The following PACSIN2 variants were observed in gnomAD, a reference collection of about 807,000 sequenced individuals.
PACSIN2 encodes protein kinase C and casein kinase substrate in neurons 2, also known as protein kinase C and casein kinase substrate in neurons protein 2.
PACSIN2 carries 25 observed loss-of-function variants against 63.8 expected under a neutral mutation model. The observed-to-expected ratio is 0.39, with a 90% confidence interval of 0.29 to 0.55. PACSIN2 has a LOEUF of 0.55. Among genes scored for constraint, PACSIN2 ranks in the 20% least tolerant of loss-of-function variants. The pLI is 0.62. For missense variants in PACSIN2, 518 were observed against 646.9 expected (o/e 0.80, Z 2.16); for synonymous variants, 255 against 256.2 (o/e 1.00, Z 0.05).
At chr22:42,883,740 T>C (rs529715492) in intron 6 of PACSIN2, among the ~76,000 whole-genome samples, 8 of 152,294 alleles carry the variant, frequency 5.3e-5, no homozygotes, top group Admixed American at 6.5e-5. Flanking sequence ...GTGCGGTGGC[T>C]CACGCCTGTA....
chr22:42,899,932 G>C (rs1930558782), intron 2 of PACSIN2, among the ~76,000 whole-genome samples: 1 of 152,226 alleles, frequency 6.6e-6, no homozygotes, highest in Non-Finnish European at 1.5e-5. Flanking sequence ...GCTAACAAAA[G>C]CTGTAACATT....
chr22:42,991,824 A>C (rs1013298057), intron 1 of PACSIN2, among the ~76,000 whole-genome samples: 2 of 152,104 alleles, frequency 1.3e-5, no homozygotes, highest in Admixed American at 6.5e-5. Flanking sequence ...AAAAAAAAAA[A>C]AAAAAACCTT....
At chr22:42,957,270 A>G (rs1933954115) in intron 1 of PACSIN2, among the ~76,000 whole-genome samples, 1 of 152,248 alleles carries the variant, frequency 6.6e-6, no homozygotes, top group Non-Finnish European at 1.5e-5. Context: ...AAATAGTTGT[A>G]AAGTTATTAA....
chr22:42,885,445 G>A (rs1157953501), intron 5 of PACSIN2, among the ~76,000 whole-genome samples: 1 of 151,962 alleles, frequency 6.6e-6, no homozygotes, highest in African/African-American at 2.4e-5. Flanking sequence ...CTACTATGGG[G>A]GTAGTCACGG....
At chr22:42,884,005 C>CAA (rs113630394) in intron 6 of PACSIN2, among the ~76,000 whole-genome samples, 2 of 134,098 alleles carry the variant, frequency 1.5e-5, no homozygotes, top group African/African-American at 5.5e-5. Context: ...GACTCCGTCT[C>CAA]AAAAAAAAAA....
intron 1 of PACSIN2, among the ~76,000 whole-genome samples, chr22:42,922,671 A>G (rs1294992420): frequency 2.0e-5 from 3 of 152,172 alleles, no homozygotes; most frequent in East Asian, 1.9e-4. Flanking sequence ...TTCTAAGCCA[A>G]TGTTTGGGCC....
intron 5 of PACSIN2, among the ~76,000 whole-genome samples, chr22:42,886,713 G>A (rs1929514970): frequency 6.6e-6 from 1 of 152,176 alleles, no homozygotes; most frequent in Non-Finnish European, 1.5e-5. Flanking sequence ...CGTCAAGAAG[G>A]GTGGTGGGGA....
chr22:43,003,658 T>C (rs1339989402), intron 1 of PACSIN2, among the ~76,000 whole-genome samples: 1 of 152,222 alleles, frequency 6.6e-6, no homozygotes, highest in Non-Finnish European at 1.5e-5. Flanking sequence ...CAAATGCTCT[T>C]ATGTGATATC....
chr22:42,971,426 G>A (rs1174333049), intron 1 of PACSIN2, among the ~76,000 whole-genome samples: 5 of 152,162 alleles, frequency 3.3e-5, no homozygotes, highest in Admixed American at 6.5e-5. Context: ...GCGTGATCTC[G>A]GCTCGCTACA....
chr22:42,927,646 G>GGC (rs1932625786), intron 1 of PACSIN2, among the ~76,000 whole-genome samples: 1 of 151,988 alleles, frequency 6.6e-6, no homozygotes. Flanking sequence ...GGAGTGCAAT[G>GGC]GCGTGATCTT....
intron 1 of PACSIN2, among the ~76,000 whole-genome samples, chr22:42,988,377 A>G (rs894216935): frequency 6.6e-6 from 1 of 152,218 alleles, no homozygotes; most frequent in African/African-American, 2.4e-5. Flanking sequence ...GAGGACCACA[A>G]CCAAATAGAG....
intron 2 of PACSIN2, among the ~76,000 whole-genome samples, chr22:42,902,877 G>C (rs111863522): frequency 3.3e-5 from 5 of 152,314 alleles, no homozygotes; most frequent in African/African-American, 9.6e-5. Flanking sequence ...GCCTCCCAAA[G>C]TGTTGGGAAT....
chr22:42,973,356 T>C (rs1921463237), intron 1 of PACSIN2, among the ~76,000 whole-genome samples: 1 of 152,346 alleles, frequency 6.6e-6, no homozygotes, highest in South Asian at 2.1e-4. Flanking sequence ...TGCTCAGGAA[T>C]TGACGAGCAA....
chr22:42,965,336 T>C (rs1464022213), intron 1 of PACSIN2, among the ~76,000 whole-genome samples: 1 of 152,220 alleles, frequency 6.6e-6, no homozygotes, highest in Non-Finnish European at 1.5e-5. Context: ...ATATTCTGTC[T>C]TGACTGAGTC....
intron 1 of PACSIN2, chr22:42,993,808 T>C (rs1601612671): frequency 6.6e-6 from 1 of 152,204 alleles, no homozygotes; most frequent in Non-Finnish European, 1.5e-5. Context: ...GGGACAGCCA[T>C]GTGCGCTGTG....
At chr22:42,990,123 A>G (rs1922947360) in intron 1 of PACSIN2, among the ~76,000 whole-genome samples, 1 of 122,962 alleles carries the variant, frequency 8.1e-6, no homozygotes, top group Non-Finnish European at 1.7e-5. Flanking sequence ...GCATTTAAAC[A>G]GGTTTAAAAA....
chr22:42,887,630 C>A (rs1353045180), intron 5 of PACSIN2, among the ~76,000 whole-genome samples: 2 of 152,160 alleles, frequency 1.3e-5, no homozygotes, highest in Admixed American at 6.5e-5. Flanking sequence ...AGCCCTCACC[C>A]CTCATGGCTG....
chr22:42,985,569 G>A (rs1008859478), intron 1 of PACSIN2, among the ~76,000 whole-genome samples: 1 of 152,104 alleles, frequency 6.6e-6, no homozygotes, highest in African/African-American at 2.4e-5. Context: ...GCCCTCGCTC[G>A]GCCAACCCCT....
At chr22:42,874,210 A>C (rs1180634945) in intron 10 of PACSIN2, among the ~76,000 whole-genome samples, 1 of 151,786 alleles carries the variant, frequency 6.6e-6, no homozygotes, top group Non-Finnish European at 1.5e-5. Context: ...GCTACGTAGG[A>C]GGCTGAGGTG....
Sources: allele counts gnomAD v4.1 joint callset (sites outside exome capture counted in the v4.1 genomes callset), GRCh38; gene constraint gnomAD v4.1.1; transcripts MANE v1.5; gene names NCBI Gene and HGNC (gene_info 2026-07-23, HGNC 2026-07-21).